MPDZ: variants seen among roughly 807,000 people sequenced by gnomAD.
The protein encoded by MPDZ is multiple PDZ domain crumbs cell polarity complex component.
Under a neutral mutation model 239.1 loss-of-function variants are expected in MPDZ, and 234 were observed. That is an observed-to-expected ratio of 0.98 (90% CI 0.88 to 1.09). The LOEUF (loss-of-function observed/expected upper bound fraction) is 1.09. MPDZ is among the 50% of genes least tolerant of loss of function. The probability of loss-of-function intolerance (pLI) is 0.00; values close to 1 mark genes in which losing one functional copy is unlikely to be tolerated. For missense variants in MPDZ, 3,175 were observed against 2,510.0 expected (o/e 1.26, Z -5.66); for synonymous variants, 1,048 against 881.3 (o/e 1.19, Z -3.35).
At chr9:13,225,649 A>ATATAGTTG (rs1450035799) in intron 3 of MPDZ, among the ~76,000 whole-genome samples, 1 of 152,046 alleles carries the variant, frequency 6.6e-6, no homozygotes, top group Non-Finnish European at 1.5e-5. Context: ...CTACAACTGC[A>ATATAGTTG]TACAGTACTC....
intron 32 of MPDZ, among the ~76,000 whole-genome samples, chr9:13,132,351 T>C (rs1368049580): frequency 6.6e-6 from 1 of 152,156 alleles, no homozygotes; most frequent in Non-Finnish European, 1.5e-5. Context: ...TCACTCAGGA[T>C]GTGAGAAGGG....
intron 19 of MPDZ, among the ~76,000 whole-genome samples, chr9:13,178,039 C>T (rs917906952): frequency 8.6e-5 from 13 of 151,990 alleles, no homozygotes; most frequent in Middle Eastern, 3.2e-3. Flanking sequence ...CTCCTGACCT[C>T]GTGATTCGCC....
intron 22 of MPDZ, among the ~76,000 whole-genome samples, chr9:13,164,260 T>C (rs369723636): frequency 6.6e-6 from 1 of 152,326 alleles, no homozygotes; most frequent in East Asian, 1.9e-4. Flanking sequence ...TCTGGCCCTA[T>C]TTAATTTATT....
At chr9:13,137,097 G>A (rs1946934329) in intron 29 of MPDZ, among the ~76,000 whole-genome samples, 1 of 152,074 alleles carries the variant, frequency 6.6e-6, no homozygotes, top group African/African-American at 2.4e-5. Flanking sequence ...TTTCCTGGCA[G>A]GCACTGGGCT....
chr9:13,254,565 TA>T (rs1264070942), intron 1 of MPDZ, among the ~76,000 whole-genome samples: 1 of 151,946 alleles, frequency 6.6e-6, no homozygotes, highest in African/African-American at 2.4e-5. Context: ...TTTATAAAAA[TA>T]AAAAATGGAA....
At chr9:13,189,080 T>A in intron 16 of MPDZ, 87 bp from the exon 17 acceptor site, 1 of 1,151,248 alleles carries the variant, frequency 8.7e-7, no homozygotes, top group Non-Finnish European at 1.2e-6. Flanking sequence ...AACGAATGAG[T>A]AATTGTCTCA....
intron 23 of MPDZ, among the ~76,000 whole-genome samples, chr9:13,162,003 C>T (rs1050635388): frequency 1.6e-4 from 24 of 151,978 alleles, no homozygotes; most frequent in Admixed American, 7.2e-4. Flanking sequence ...GTGGTGCATG[C>T]CTGTGAATCC....
At chr9:13,161,228 G>A (rs934719178) in intron 23 of MPDZ, among the ~76,000 whole-genome samples, 3 of 151,904 alleles carry the variant, frequency 2.0e-5, no homozygotes, top group Admixed American at 2.0e-4. Flanking sequence ...TGAATGCAAG[G>A]TCACTGGAGA....
At chr9:13,238,506 G>C (rs904132370) in intron 3 of MPDZ, among the ~76,000 whole-genome samples, 1 of 152,076 alleles carries the variant, frequency 6.6e-6, no homozygotes, top group Non-Finnish European at 1.5e-5. Flanking sequence ...GCAAGGAGCT[G>C]TTCTCCTCTC....
chr9:13,218,587 C>G (rs1382154604), intron 8 of MPDZ, among the ~76,000 whole-genome samples: 2 of 151,792 alleles, frequency 1.3e-5, no homozygotes, highest in Non-Finnish European at 2.9e-5. Flanking sequence ...CTAAAAACAA[C>G]AGAATCATGG....
At chr9:13,186,800 G>C (rs1305043331) in intron 17 of MPDZ, among the ~76,000 whole-genome samples, 2 of 151,918 alleles carry the variant, frequency 1.3e-5, no homozygotes, top group African/African-American at 4.8e-5. Context: ...AAAAGAAGTT[G>C]CAGAAAAACA....
intron 26 of MPDZ, among the ~76,000 whole-genome samples, chr9:13,146,254 C>T (rs1471799460): frequency 6.6e-6 from 1 of 151,932 alleles, no homozygotes; most frequent in African/African-American, 2.4e-5. Flanking sequence ...CACCTGTCTT[C>T]ACAACAGAAG....
At chr9:13,183,654 T>C in intron 18 of MPDZ, 69 bp from the exon 19 acceptor site, 1 of 1,515,444 alleles carries the variant, frequency 6.6e-7, no homozygotes, top group East Asian at 2.3e-5. Flanking sequence ...AATCTCCACT[T>C]GAGACTAAAA....
At chr9:13,189,018 T>A (rs41265290) in intron 16 of MPDZ, 25 bp from the exon 17 acceptor site, 3 of 1,593,622 alleles carry the variant, frequency 1.9e-6, no homozygotes, top group South Asian at 1.1e-5. Flanking sequence ...AAGGAAAGAG[T>A]CAGCTCATTT....
At chr9:13,221,748 A>T (rs1959129322) in intron 6 of MPDZ, among the ~76,000 whole-genome samples, 1 of 152,010 alleles carries the variant, frequency 6.6e-6, no homozygotes, top group Non-Finnish European at 1.5e-5. Flanking sequence ...AGTTAAAGAC[A>T]GGCATTGATT....
chr9:13,247,740 A>AT lies in MPDZ; in HGVS notation c.77dup (p.Asp26GlufsTer5), dbSNP rs1347266016. On this transcript the variant is annotated frameshift_variant, in exon 3 of 47. Transcript: ENST00000319217. LOFTEE classifies it high-confidence loss of function. ...GGCTCAGTTTGTCTTCATTTGCTAC[A>AT]TCCCCACGTTCTCGCAGCTTGGTTT... The AT allele has an allele frequency of 1.2e-6, 2 of 1,613,310 alleles. No homozygotes were observed. The highest frequency in any genetic ancestry group is 2.2e-5 in the South Asian group (2 of 91,048).
At chr9:13,214,781 T>C (rs1381386307) in intron 10 of MPDZ, among the ~76,000 whole-genome samples, 2 of 151,992 alleles carry the variant, frequency 1.3e-5, no homozygotes, top group South Asian at 2.1e-4. Context: ...TATGGTAAAA[T>C]GGAGATACAC....
In MPDZ at chr9:13,150,544, A is replaced by AT. The variant is rs1242790545; in HGVS notation, c.3596dup (p.Asn1199LysfsTer9). The AT allele has an allele frequency of 1.9e-6, 3 of 1,577,322 alleles. No individual in the cohort carries two copies. The highest frequency in any genetic ancestry group is 2.7e-5 in the African/African-American group (2 of 73,306). ...TTCTATCTCCAGGTTTCAAGGTTCC[A>AT]TTTTTGCCAGCTGGACTATCTTCCA... On this transcript the variant is annotated frameshift_variant, in exon 25 of 47. Transcript: ENST00000319217. LOFTEE classifies it high-confidence loss of function.
At chr9:13,251,247 A>G (rs1399708458) in intron 1 of MPDZ, among the ~76,000 whole-genome samples, 2 of 152,180 alleles carry the variant, frequency 1.3e-5, no homozygotes, top group Non-Finnish European at 2.9e-5. Context: ...AAACTGAACA[A>G]AAGGGAGTAT....
Sources: gnomAD v4.1 joint callset for allele counts (sites outside exome capture counted in the v4.1 genomes callset) on GRCh38, gnomAD v4.1.1 for gene constraint, MANE v1.5 for transcripts, NCBI Gene and HGNC (gene_info 2026-07-23, HGNC 2026-07-21) for gene names.